The following SOD2 variants were observed in gnomAD, a reference collection of about 807,000 sequenced individuals.
SOD2 encodes the protein superoxide dismutase 2.
In SOD2, 11 loss-of-function variants were observed where a neutral mutation model predicts 27.0. The observed-to-expected ratio is 0.41, with a 90% CI of 0.26 to 0.67. The LOEUF (loss-of-function observed/expected upper bound fraction) is 0.67. SOD2 is among the 30% of genes least tolerant of loss of function. SOD2 has a pLI of 0.34. For missense variants in SOD2, 250 were observed against 274.5 expected, an observed-to-expected ratio of 0.91 and a Z score of 0.63; for synonymous variants, 105 against 103.0, an observed-to-expected ratio of 1.02 and a Z score of -0.12.
At chr6:159,702,850 G>C (rs1371320716) in intron 1 of SOD2, among the ~76,000 whole-genome samples, 1 of 30,672 alleles carries the variant, frequency 3.3e-5, no homozygotes, top group African/African-American at 1.1e-4. Context: ...ACCCTATCTC[G>C]AAAAAAAAAA....
intron 1 of SOD2, among the ~76,000 whole-genome samples, chr6:159,716,383 G>T (rs371949485): frequency 6.6e-6 from 1 of 152,072 alleles, no homozygotes; most frequent in Admixed American, 6.6e-5. Context: ...TTGCCTCATC[G>T]TCACAAGATG....
At chr6:159,761,123 TAA>T (rs745376473) in exon 1 of SOD2, 1 of 160,338 alleles carries the variant, frequency 6.2e-6, no homozygotes, top group African/African-American at 2.4e-5. Flanking sequence ...CAATCAACTT[TAA>T]AGTTCTTCAG....
At chr6:159,712,300 C>G (rs1213872891) in intron 1 of SOD2, among the ~76,000 whole-genome samples, 1 of 148,806 alleles carries the variant, frequency 6.7e-6, no homozygotes, top group Non-Finnish European at 1.5e-5. Context: ...CCATAACCAC[C>G]TCCATAACCA....
intron 1 of SOD2, among the ~76,000 whole-genome samples, chr6:159,716,760 C>G (rs2114832433): frequency 6.6e-6 from 1 of 152,224 alleles, no homozygotes; most frequent in South Asian, 2.1e-4. Flanking sequence ...GCTAAATGTC[C>G]TAAAATGCAC....
chr6:159,719,313 A>T (rs1322112433), intron 1 of SOD2, among the ~76,000 whole-genome samples: 1 of 152,180 alleles, frequency 6.6e-6, no homozygotes, highest in Non-Finnish European at 1.5e-5. Flanking sequence ...TCACGAGGTC[A>T]GGAGTTCAAG....
chr6:159,717,819 T>C (rs1777948521), intron 1 of SOD2, among the ~76,000 whole-genome samples: 1 of 152,142 alleles, frequency 6.6e-6, no homozygotes, highest in African/African-American at 2.4e-5. Flanking sequence ...AGTACTTCTC[T>C]TTCTGTGCTT....
intron 1 of SOD2, among the ~76,000 whole-genome samples, chr6:159,733,918 A>G (rs1778746903): frequency 6.6e-6 from 1 of 151,198 alleles, no homozygotes; most frequent in Non-Finnish European, 1.5e-5. Context: ...CTCCATCTCC[A>G]AAAAAAAAGA....
intron 1 of SOD2, chr6:159,755,548 G>C (rs752929056): frequency 9.3e-6 from 15 of 1,614,062 alleles, no homozygotes; most frequent in Non-Finnish European, 1.2e-5. Flanking sequence ...ATCGAACTGT[G>C]GGTTCCCGCC....
intron 2 of SOD2, among the ~76,000 whole-genome samples, chr6:159,688,565 G>A (rs1308999075): frequency 2.0e-5 from 3 of 152,106 alleles, no homozygotes; most frequent in African/African-American, 4.8e-5. Flanking sequence ...AAAATGTATG[G>A]CTCAACATAC....
intron 1 of SOD2, among the ~76,000 whole-genome samples, chr6:159,711,704 C>T (rs544273465): frequency 9.1e-6 from 1 of 109,788 alleles, no homozygotes; most frequent in East Asian, 3.5e-4. Context: ...CCACCACTCA[C>T]ACTGCTCTGA....
chr6:159,712,691 C>T, intron 1 of SOD2: 1 of 360,876 alleles, frequency 2.8e-6, no homozygotes, highest in South Asian at 2.5e-5. Flanking sequence ...AACCACGACT[C>T]AGCTGCTCTG....
At chr6:159,759,776 G>A (rs1780085765) in intron 1 of SOD2, among the ~76,000 whole-genome samples, 1 of 152,148 alleles carries the variant, frequency 6.6e-6, no homozygotes, top group Non-Finnish European at 1.5e-5. Context: ...GGACTCCTCA[G>A]GGGACAGATT....
intron 1 of SOD2, chr6:159,736,184 A>G (rs1445644429): frequency 7.3e-7 from 1 of 1,378,804 alleles, no homozygotes; most frequent in African/African-American, 1.5e-5. Flanking sequence ...GATTTGAAAG[A>G]GTCAGTATTT....
intron 1 of SOD2, chr6:159,736,608 C>A (rs1489252811): frequency 4.4e-6 from 1 of 227,080 alleles, no homozygotes; most frequent in Non-Finnish European, 8.5e-6. Flanking sequence ...TAAATATTTC[C>A]AGGTACATAT....
chr6:159,692,857 G>C lies in SOD2; in HGVS notation c.30C>G (p.Ser10Arg). 6.2e-7 allele frequency: 1 copy of C among 1,606,382 alleles called. No individual in the cohort carries two copies. Among genetic ancestry groups the C allele is most frequent in the Non-Finnish European group, 8.5e-7 (1 of 1,177,154 alleles). Residue 10 changes from serine to arginine, a missense_variant, in exon 2 of 5, where the codon AGC (serine) becomes AGG (arginine). Ser to Arg is a moderately radical substitution (Grantham distance 110). Transcript: ENST00000538183. ...ACCCCAAAACCGGAGCCAGCTGCCT[G>C]CTGGTGCTGAAGACGAGAAAGCACA... MLSRAVCGT[S>R]RQLAPVLGYL... is the part of the protein sequence containing the mutation.
rs1366283362 is a variant in SOD2 at position 159,693,216 on chromosome 6, C to G, written c.-49G>C. 1.3e-6 allele frequency: 2 copies of G among 1,497,096 alleles called. No individual in the cohort carries two copies. Among genetic ancestry groups the G allele is most frequent in the Non-Finnish European group, 1.8e-6 (2 of 1,115,754 alleles). The allele number at this position is 1,497,096 out of a possible 1,614,324, so 92.7% of individuals were successfully genotyped here. ...TGATGCCGCCGATCTGCTGAAGCCG[C>G]TGCCGAAGCCACCACAGCCACGAGT... On this transcript the variant is annotated 5_prime_UTR_variant, in exon 1 of 5. Transcript: ENST00000538183.
At chr6:159,685,808 C>T (rs552153215) in intron 3 of SOD2, among the ~76,000 whole-genome samples, 26 of 152,186 alleles carry the variant, frequency 1.7e-4, no homozygotes, top group African/African-American at 5.8e-4. Flanking sequence ...TGGGTTAATT[C>T]GCTTAGGATA....
intron 1 of SOD2, among the ~76,000 whole-genome samples, chr6:159,703,675 G>A (rs139339312): frequency 8.5e-5 from 13 of 152,192 alleles, no homozygotes; most frequent in African/African-American, 1.4e-4. Flanking sequence ...ACTTTGAATC[G>A]CATACACAGC....
At chr6:159,755,009 C>T in intron 1 of SOD2, 1 of 1,574,578 alleles carries the variant, frequency 6.4e-7, no homozygotes, top group Non-Finnish European at 8.6e-7. Context: ...TAAAGTTGGT[C>T]TGACTCTCCT....
Sources: gnomAD v4.1 joint callset for allele counts (sites outside exome capture counted in the v4.1 genomes callset) on GRCh38, gnomAD v4.1.1 for gene constraint, MANE v1.5 for transcripts, NCBI Gene and HGNC (gene_info 2026-07-23, HGNC 2026-07-21) for gene names.